The following ME3 variants were observed in gnomAD, a reference collection of about 807,000 sequenced individuals.
ME3 encodes NADP-dependent malic enzyme, mitochondrial.
A neutral mutation model predicts 68.9 loss-of-function variants in ME3; 48 were observed. The observed-to-expected ratio is 0.70, with a 90% confidence interval of 0.55 to 0.89. The LOEUF is 0.89. Ranked by LOEUF, ME3 falls within the 40% of genes least tolerant of loss-of-function variation. The pLI is 0.00. For synonymous variants in ME3, 320 were observed against 318.8 expected, an observed-to-expected ratio of 1.00 and a Z score of -0.04; for missense variants, 675 against 797.4, an observed-to-expected ratio of 0.85 and a Z score of 1.85.
At chr11:86,501,703 C>T (rs655934) in intron 5 of ME3, among the ~76,000 whole-genome samples, 111,499 of 152,158 alleles carry the variant, frequency 0.73, 41,678 homozygotes, top group Non-Finnish European at 0.8. Flanking sequence ...TCTCTGTTAC[C>T]CTGTATCTTC....
At chr11:86,591,166 A>G (rs189442875) in intron 2 of ME3, among the ~76,000 whole-genome samples, 1 of 148,742 alleles carries the variant, frequency 6.7e-6, no homozygotes, top group East Asian at 2.0e-4. Context: ...TGTAGGGGTC[A>G]GATTAGCTGC....
At chr11:86,651,703 G>A (rs1362848727) in intron 2 of ME3, among the ~76,000 whole-genome samples, 2 of 152,202 alleles carry the variant, frequency 1.3e-5, no homozygotes, top group African/African-American at 4.8e-5. Flanking sequence ...CCCCTTCAAA[G>A]GAACACAGCT....
chr11:86,632,594 G>A (rs1176420783), intron 2 of ME3, among the ~76,000 whole-genome samples: 1 of 152,164 alleles, frequency 6.6e-6, no homozygotes, highest in Non-Finnish European at 1.5e-5. Context: ...AATGGCCCTG[G>A]ACATCATCCT....
chr11:86,595,894 C>T (rs1190964947), intron 2 of ME3, among the ~76,000 whole-genome samples: 1 of 152,196 alleles, frequency 6.6e-6, no homozygotes, highest in Non-Finnish European at 1.5e-5. Flanking sequence ...GGCCCCTCAC[C>T]ATACCTTCTC....
At chr11:86,539,648 G>T (rs1955914102) in intron 4 of ME3, among the ~76,000 whole-genome samples, 1 of 152,170 alleles carries the variant, frequency 6.6e-6, no homozygotes, top group Non-Finnish European at 1.5e-5. Context: ...CAGATATAGG[G>T]AAGAACAATG....
chr11:86,516,946 G>T (rs677301), intron 4 of ME3, among the ~76,000 whole-genome samples: 11 of 151,994 alleles, frequency 7.2e-5, no homozygotes, highest in South Asian at 4.2e-4. Context: ...GGGTTAAGTA[G>T]GCAGAGAGGG....
chr11:86,657,392 C>G (rs1945965564), intron 2 of ME3, among the ~76,000 whole-genome samples: 2 of 148,544 alleles, frequency 1.3e-5, no homozygotes, highest in Non-Finnish European at 3.0e-5. Flanking sequence ...ACCACATGTT[C>G]TCATTCATAA....
chr11:86,515,079 T>C (rs1197119426), intron 4 of ME3, among the ~76,000 whole-genome samples: 1 of 152,156 alleles, frequency 6.6e-6, no homozygotes, highest in Non-Finnish European at 1.5e-5. Context: ...GTAAATAAAG[T>C]ATGGCAGGTA....
intron 2 of ME3, among the ~76,000 whole-genome samples, chr11:86,654,753 C>T (rs1237867474): frequency 2.0e-5 from 3 of 152,272 alleles, no homozygotes; most frequent in Admixed American, 6.5e-5. Context: ...CCAGGGCAAT[C>T]AGGCAGGAGA....
intron 2 of ME3, among the ~76,000 whole-genome samples, chr11:86,649,860 A>G (rs1375620491): frequency 1.3e-5 from 2 of 152,246 alleles, no homozygotes; most frequent in Non-Finnish European, 2.9e-5. Flanking sequence ...GGAACAATCA[A>G]TATTGTGAAA....
At chr11:86,645,756 G>T (rs765856428) in intron 2 of ME3, among the ~76,000 whole-genome samples, 3 of 152,220 alleles carry the variant, frequency 2.0e-5, no homozygotes, top group Non-Finnish European at 4.4e-5. Flanking sequence ...TCCTGAAGGA[G>T]AGACACCTTC....
At chr11:86,436,610 T>A (rs1948898953), downstream of ME3, 1 of 152,192 alleles carries the variant, frequency 6.6e-6, no homozygotes, top group African/African-American at 2.4e-5. Context: ...CTATATTTTA[T>A]CTTAGAAATT....
chr11:86,545,609 G>C (rs1218836169), intron 4 of ME3, among the ~76,000 whole-genome samples: 1 of 152,136 alleles, frequency 6.6e-6, no homozygotes, highest in Admixed American at 6.5e-5. Context: ...ACTTACAAGG[G>C]ATGTGAAGGA....
At chr11:86,608,692 G>A (rs1032285895) in intron 2 of ME3, among the ~76,000 whole-genome samples, 1 of 152,040 alleles carries the variant, frequency 6.6e-6, no homozygotes, top group East Asian at 1.9e-4. Flanking sequence ...TCTGTTGGTT[G>A]AAAAAATTAA....
At chr11:86,588,951 C>A (rs1958895867) in intron 2 of ME3, among the ~76,000 whole-genome samples, 1 of 152,170 alleles carries the variant, frequency 6.6e-6, no homozygotes, top group African/African-American at 2.4e-5. Flanking sequence ...GAGATTTCCT[C>A]CCCCTGCCCT....
chr11:86,528,147 AG>A (rs1954913143), intron 4 of ME3, among the ~76,000 whole-genome samples: 1 of 152,224 alleles, frequency 6.6e-6, no homozygotes. Context: ...CTTAAAATAA[AG>A]GGATGGAGGA....
intron 2 of ME3, among the ~76,000 whole-genome samples, chr11:86,637,969 C>CACACACACACGCAT (rs1176909111): frequency 3.6e-4 from 13 of 36,010 alleles, no homozygotes; most frequent in Non-Finnish European, 9.3e-4. Flanking sequence ...CTCATGCATA[C>CACACACACACGCAT]ACACACACAC....
intron 10 of ME3, among the ~76,000 whole-genome samples, chr11:86,449,534 C>T (rs1274143360): frequency 2.6e-5 from 4 of 152,080 alleles, no homozygotes; most frequent in Non-Finnish European, 5.9e-5. Flanking sequence ...TGAGAGTTGG[C>T]ATGTGGAAAA....
intron 14 of ME3, among the ~76,000 whole-genome samples, chr11:86,442,156 A>G (rs1007085983): frequency 1.3e-5 from 2 of 152,230 alleles, no homozygotes; most frequent in East Asian, 1.9e-4. Flanking sequence ...ACAATTATCA[A>G]TGTTGGGCCA....
Sources: gnomAD v4.1 joint callset for allele counts (sites outside exome capture counted in the v4.1 genomes callset) on GRCh38, gnomAD v4.1.1 for gene constraint, MANE v1.5 for transcripts, NCBI Gene and HGNC (gene_info 2026-07-23, HGNC 2026-07-21) for gene names.